The following YAP1 variants were observed in gnomAD, a reference collection of about 807,000 sequenced individuals.
YAP1 encodes the protein Yes1 associated transcriptional regulator.
In YAP1, 5 loss-of-function variants were observed where a neutral mutation model predicts 56.9. That is an observed-to-expected ratio of 0.09 (90% CI 0.05 to 0.18). YAP1 has a LOEUF of 0.18. YAP1 is among the 10% of genes least tolerant of loss of function. YAP1 has a pLI of 1.00. For synonymous variants in YAP1, 265 were observed against 248.1 expected (o/e 1.07, Z -0.64); for missense variants, 539 against 651.8 (o/e 0.83, Z 1.88).
Position 102,157,921 on chromosome 11 carries a change from C to T in YAP1, c.573-4535C>T, listed in dbSNP as rs1946047849. On this transcript the variant is annotated intron_variant, in intron 2 of 8. Coordinates refer to ENST00000282441, the MANE Select transcript of YAP1 (RefSeq NM_001130145.3). ...TGTTAGGGGCTTAAACACTTGACAGCTGCATTTTTAAAAAAGTTTCTAATT... is the reference window on the plus strand; with the variant it reads ...TGTTAGGGGCTTAAACACTTGACAGTTGCATTTTTAAAAAAGTTTCTAATT... Among the ~76,000 whole-genome samples, 3 of 152,162 alleles carry T rather than the reference C, an allele frequency of 2.0e-5. No individual in the cohort carries two copies. The South Asian group carries it at 6.2e-4, about 32-fold the overall frequency.
intron 2 of YAP1, among the ~76,000 whole-genome samples, chr11:102,149,022 C>G (rs918847914): frequency 2.6e-5 from 4 of 152,048 alleles, no homozygotes; most frequent in Non-Finnish European, 5.9e-5. Context: ...GTGTGGTATT[C>G]TGATATCTTT....
intron 7 of YAP1, among the ~76,000 whole-genome samples, chr11:102,226,520 A>C (rs1950205418): frequency 6.6e-6 from 1 of 152,260 alleles, no homozygotes; most frequent in South Asian, 2.1e-4. Flanking sequence ...CCATTGAAGA[A>C]TAACAGCTGC....
intron 2 of YAP1, among the ~76,000 whole-genome samples, chr11:102,123,730 C>T (rs148094630): frequency 0.037 from 5,515 of 150,108 alleles, 188 homozygotes; most frequent in Admixed American, 0.094. Flanking sequence ...AGCTCCACCT[C>T]CTGGGTTCAT....
chr11:102,139,388 G>A (rs979080146), intron 2 of YAP1, among the ~76,000 whole-genome samples: 1 of 152,148 alleles, frequency 6.6e-6, no homozygotes, highest in African/African-American at 2.4e-5. Flanking sequence ...GCAAGTCCGT[G>A]ATTGCAGGCC....
At chr11:102,119,039 G>A (rs556221510) in intron 2 of YAP1, among the ~76,000 whole-genome samples, 30 of 151,834 alleles carry the variant, frequency 2.0e-4, no homozygotes, top group Non-Finnish European at 3.8e-4. Context: ...TTGCAATCAC[G>A]AAGTATTTCC....
rs1234334794 is a variant in YAP1 at position 102,230,325 on chromosome 11, A to AT, written c.*388dup. ...GAAGTCAGATGCTTCATGTCACAGC[A>AT]TTTAGTTTGTTCAACAGTTGTTTCT... is the stretch of plus-strand genomic sequence containing the variant. On this transcript the variant is annotated 3_prime_UTR_variant, in exon 9 of 9. Coordinates refer to ENST00000282441, the MANE Select transcript of YAP1 (RefSeq NM_001130145.3). 5.8e-6 allele frequency: 1 copy of AT among 173,262 alleles called. No individual in the cohort carries two copies. Among genetic ancestry groups the AT allele is most frequent in the Non-Finnish European group, 1.2e-5 (1 of 80,638 alleles). 10.7% of individuals were successfully genotyped at this position (173,262 alleles called of 1,614,324 possible). A position where few individuals can be genotyped will look rare whatever the true frequency, so the allele number is the denominator to read the frequency against.
intron 2 of YAP1, among the ~76,000 whole-genome samples, chr11:102,118,781 T>C (rs1943465923): frequency 6.6e-6 from 1 of 151,354 alleles, no homozygotes; most frequent in South Asian, 2.1e-4. Context: ...ACATATACAG[T>C]GTATGTTGTT....
chr11:102,213,234 C>T (rs1384087450), intron 6 of YAP1, among the ~76,000 whole-genome samples: 1 of 152,166 alleles, frequency 6.6e-6, no homozygotes, highest in Non-Finnish European at 1.5e-5. Flanking sequence ...CTTGTAATCC[C>T]AGCACTTTGG....
chr11:102,119,985 G>A (rs1284464325), intron 2 of YAP1, among the ~76,000 whole-genome samples: 1 of 152,158 alleles, frequency 6.6e-6, no homozygotes, highest in Non-Finnish European at 1.5e-5. Flanking sequence ...AATAATAGCT[G>A]AGTAGCATTG....
intron 3 of YAP1, among the ~76,000 whole-genome samples, chr11:102,178,414 G>A (rs967574771): frequency 1.3e-5 from 2 of 152,138 alleles, no homozygotes. Flanking sequence ...CCTCTAACTC[G>A]TGGTGTAGTT....
At chr11:102,116,205 A>G (rs1404936560) in intron 2 of YAP1, among the ~76,000 whole-genome samples, 12 of 152,226 alleles carry the variant, frequency 7.9e-5, no homozygotes, top group East Asian at 1.9e-4. Context: ...CTAATGTACA[A>G]ACTTTTTTCC....
At chr11:102,198,190 T>C (rs962208670) in intron 4 of YAP1, among the ~76,000 whole-genome samples, 7 of 152,358 alleles carry the variant, frequency 4.6e-5, no homozygotes, top group African/African-American at 1.4e-4. Context: ...GACTGGTTCT[T>C]CCTTCATCTT....
At position 102,232,736 on chromosome 11, in the gene YAP1, T is replaced by C. The variant is rs1452155141; in HGVS notation, c.*2796T>C. 6.5e-6 allele frequency: 1 copy of C among 152,674 alleles called. No homozygotes were observed. The highest frequency in any genetic ancestry group is 2.4e-5 in the African/African-American group (1 of 41,464). 9.5% of individuals were successfully genotyped at this position (152,674 alleles called of 1,614,324 possible). ...TACAATAAACCAATTTTATAATCTT[T>C]AAATTTATCAACTTTTTACATTTGT... On this transcript the variant is annotated 3_prime_UTR_variant, in exon 9 of 9. Transcript: ENST00000282441.
At chr11:102,194,834 TAA>T (rs1428357285) in intron 4 of YAP1, among the ~76,000 whole-genome samples, 2 of 152,314 alleles carry the variant, frequency 1.3e-5, no homozygotes, top group East Asian at 1.9e-4. Flanking sequence ...AAATTAGAAA[TAA>T]AGTGTTATAA....
At chr11:102,161,595 T>C (rs1217957859) in intron 2 of YAP1, among the ~76,000 whole-genome samples, 3 of 152,124 alleles carry the variant, frequency 2.0e-5, no homozygotes, top group African/African-American at 7.2e-5. Flanking sequence ...ACTGAAGAGA[T>C]GTTTATATAT....
At position 102,112,425 on chromosome 11, in the gene YAP1, CTTTTTTTTTTT is replaced by C. The variant is rs751339753; in HGVS notation, c.321+1267_321+1277del. 1.6e-5 allele frequency: 13 copies of C among 827,398 alleles called. No homozygotes were observed. In the South Asian group the frequency reaches 2.9e-4, roughly 18 times the overall value. 51.3% of individuals were successfully genotyped at this position (827,398 alleles called of 1,614,324 possible). On this transcript the variant is annotated intron_variant, in intron 1 of 8. Transcript: ENST00000282441. ...TTTTCTTTCTTTTTTATTTCTTCTT[CTTTTTTTTTTT>C]TTTTTTTTTTGAGAACTTGCTTCAG...
chr11:102,172,016 C>A (rs145953685), intron 3 of YAP1, among the ~76,000 whole-genome samples: 1 of 151,818 alleles, frequency 6.6e-6, no homozygotes, highest in East Asian at 1.9e-4. Context: ...ATGGTGAAAC[C>A]CCGTCTCTAC....
At chr11:102,114,473 C>T (rs914153950) in intron 2 of YAP1, 79 bp downstream of exon 2, 1 of 1,470,108 alleles carries the variant, frequency 6.8e-7, no homozygotes, top group African/African-American at 1.4e-5. Flanking sequence ...TGTCAAGATA[C>T]AGAATATCAT....
intron 2 of YAP1, among the ~76,000 whole-genome samples, chr11:102,117,679 G>A (rs1037984879): frequency 6.6e-6 from 1 of 152,146 alleles, no homozygotes; most frequent in African/African-American, 2.4e-5. Context: ...ACCTTACTTT[G>A]GCAAGTGATA....
Sources: gnomAD v4.1 joint callset for allele counts (sites outside exome capture counted in the v4.1 genomes callset) on GRCh38, gnomAD v4.1.1 for gene constraint, MANE v1.5 for transcripts, NCBI Gene and HGNC (gene_info 2026-07-23, HGNC 2026-07-21) for gene names.